Variants in ARFGEF1 observed in about 807,000 individuals in gnomAD.
ARFGEF1 encodes the protein ARF guanine nucleotide exchange factor 1, also known as brefeldin A-inhibited guanine nucleotide-exchange protein 1.
A neutral mutation model predicts 231.0 loss-of-function variants in ARFGEF1; 42 were observed. The ratio of observed to expected loss-of-function variants is 0.18; its 90% confidence interval spans 0.14 to 0.24. The LOEUF (loss-of-function observed/expected upper bound fraction) is 0.24. ARFGEF1 is among the 10% of genes least tolerant of loss of function. The probability of loss-of-function intolerance (pLI) is 1.00; values close to 1 mark genes in which losing one functional copy is unlikely to be tolerated. For missense variants in ARFGEF1, 1,345 were observed against 2,192.0 expected, an observed-to-expected ratio of 0.61 and a Z score of 7.72; for synonymous variants, 710 against 732.3, an observed-to-expected ratio of 0.97 and a Z score of 0.49.
chr8:67,234,435 C>T (rs1012518711), intron 22 of ARFGEF1, among the ~76,000 whole-genome samples: 1 of 151,960 alleles, frequency 6.6e-6, no homozygotes, highest in Non-Finnish European at 1.5e-5. Context: ...ATTAATTCAA[C>T]CTGGACCTAG....
intron 19 of ARFGEF1, among the ~76,000 whole-genome samples, chr8:67,240,737 C>T (rs1193519849): frequency 1.3e-5 from 2 of 152,026 alleles, no homozygotes; most frequent in Non-Finnish European, 2.9e-5. Context: ...ATCATTTAGC[C>T]TAATTTTTAA....
intron 1 of ARFGEF1, among the ~76,000 whole-genome samples, chr8:67,339,535 C>T (rs1045710332): frequency 6.6e-6 from 1 of 152,036 alleles, no homozygotes; most frequent in African/African-American, 2.4e-5. Flanking sequence ...ACAATGCTAC[C>T]TTCAAGCCCA....
intron 5 of ARFGEF1, among the ~76,000 whole-genome samples, chr8:67,179,464 G>A (rs1023472777): frequency 2.6e-5 from 4 of 152,246 alleles, no homozygotes; most frequent in South Asian, 2.1e-4. Flanking sequence ...ATGGAAATTC[G>A]GATGAATGAA....
intron 7 of ARFGEF1, among the ~76,000 whole-genome samples, chr8:67,283,004 A>T (rs2128904259): frequency 6.6e-6 from 1 of 152,160 alleles, no homozygotes; most frequent in Non-Finnish European, 1.5e-5. Flanking sequence ...AAGAAAAGGA[A>T]AAAATAGGCA....
rs1265849377 is a variant in ARFGEF1, at chr8:67,236,364, AAATATATATATATATATATATATATAT to A, written c.3289+1952_3289+1978del. 6.3e-3 allele frequency among the ~76,000 whole-genome samples: 230 copies of A among 36,760 alleles called. 14 individuals carry two copies. The highest frequency in any genetic ancestry group is 0.029 in the African/African-American group (209 of 7,182). The allele number at this position is 36,760 out of a possible 152,430, so 24.1% of individuals were successfully genotyped here. ...AGATATTAGTTAAAAAAAAAAAAAA[AAATATATATATATATATATATATATAT>A]ATATATATATATATATATATGTATC... On this transcript the variant is annotated intron_variant, in intron 22 of 38. Transcript: ENST00000262215.
rs141917658 is a variant in ARFGEF1, at chr8:67,207,787, G to A, written c.4820-2968C>T. ...CAAGGAAGAGGGCTCATGGGAGCAG[G>A]GTGGCCGCTTGTTCTTCCTCCAGCT... On this transcript the variant is annotated intron_variant, in intron 34 of 38. Coordinates refer to ENST00000262215, the MANE Select transcript of ARFGEF1 (RefSeq NM_006421.5). Among the ~76,000 whole-genome samples the A allele has an allele frequency of 2.7e-3, 410 of 152,290 alleles. 2 individuals carry two copies. Among genetic ancestry groups the A allele is most frequent in the African/African-American group, 9.6e-3 (400 of 41,552 alleles).
At chr8:67,228,430 T>G (rs1351415047) in intron 23 of ARFGEF1, among the ~76,000 whole-genome samples, 166 bp from the exon 24 acceptor site, 1 of 152,002 alleles carries the variant, frequency 6.6e-6, no homozygotes, top group Non-Finnish European at 1.5e-5. Context: ...AAGTGTAGTC[T>G]GGATGTTTCT....
At chr8:67,187,517 A>C (rs763633005) in intron 5 of ARFGEF1, among the ~76,000 whole-genome samples, 6 of 152,066 alleles carry the variant, frequency 3.9e-5, no homozygotes, top group Non-Finnish European at 7.4e-5. Flanking sequence ...CCTTGTCTCT[A>C]CAAAAAAAAT....
chr8:67,276,204 G>A, intron 8 of ARFGEF1, 95 bp from the exon 9 acceptor site: 1 of 1,367,710 alleles, frequency 7.3e-7, no homozygotes, highest in East Asian at 2.4e-5. Flanking sequence ...TCACTAACAG[G>A]TGGAGATTCC....
In ARFGEF1 at chr8:67,325,207, C is replaced by G. The variant is rs201370525; in HGVS notation, c.124+17957G>C. 2.2e-4 allele frequency among the ~76,000 whole-genome samples: 33 copies of G among 151,338 alleles called. No homozygotes were observed. The East Asian group carries it at 4.8e-3, about 22-fold the overall frequency. On this transcript the variant is annotated intron_variant, in intron 1 of 38. Coordinates refer to ENST00000262215, the MANE Select transcript of ARFGEF1 (RefSeq NM_006421.5). ...GGATTTCAGGCGTGAGCCACCACAC[C>G]AGGCCGAAAAATCCACTTTTTTTTT... is the stretch of plus-strand genomic sequence containing the variant.
At chr8:67,220,883 C>CT (rs1839129435) in intron 29 of ARFGEF1, among the ~76,000 whole-genome samples, 1 of 142,500 alleles carries the variant, frequency 7.0e-6, no homozygotes, top group South Asian at 2.2e-4. Flanking sequence ...TGGAAAATGT[C>CT]TTTTTTTCCT....
chr8:67,185,332 T>C (rs1834286869), intron 5 of ARFGEF1, among the ~76,000 whole-genome samples: 1 of 152,198 alleles, frequency 6.6e-6, no homozygotes, highest in East Asian at 1.9e-4. Context: ...ACAAAGATTA[T>C]CACTTTAAGA....
chr8:67,335,067 AG>A (rs1808279337), intron 1 of ARFGEF1, among the ~76,000 whole-genome samples: 1 of 151,318 alleles, frequency 6.6e-6, no homozygotes, highest in Non-Finnish European at 1.5e-5. Context: ...AGTTAACAGT[AG>A]TTATTTATCT....
chr8:67,216,244 A>G (rs1358533962), intron 33 of ARFGEF1, among the ~76,000 whole-genome samples: 1 of 152,156 alleles, frequency 6.6e-6, no homozygotes, highest in Non-Finnish European at 1.5e-5. Flanking sequence ...CAGTATCAAG[A>G]GGTAGAGATT....
chr8:67,321,593 TG>T (rs1807597112), intron 1 of ARFGEF1, among the ~76,000 whole-genome samples: 1 of 152,154 alleles, frequency 6.6e-6, no homozygotes, highest in Non-Finnish European at 1.5e-5. Flanking sequence ...CCCGAGTAGC[TG>T]GGAGTACAGG....
chr8:67,222,231 GTATGTATGTATGTA>G (rs1563846595), intron 29 of ARFGEF1, among the ~76,000 whole-genome samples: 5 of 88,664 alleles, frequency 5.6e-5, no homozygotes, highest in African/African-American at 2.3e-4. Context: ...ATATGTATAT[GTATGTATGTATGTA>G]TGTATGTATG....
intron 1 of ARFGEF1, among the ~76,000 whole-genome samples, chr8:67,329,090 C>T (rs2128931942): frequency 6.6e-6 from 1 of 151,848 alleles, no homozygotes; most frequent in African/African-American, 2.4e-5. Flanking sequence ...GCCAGGCATG[C>T]TGGCATGTGC....
At chr8:67,221,720 CCACT>C (rs914417956) in intron 29 of ARFGEF1, among the ~76,000 whole-genome samples, 1 of 152,106 alleles carries the variant, frequency 6.6e-6, no homozygotes, top group Non-Finnish European at 1.5e-5. Context: ...CATTCACTCA[CCACT>C]CACTCACTGA....
rs370609948 is a variant in ARFGEF1 at position 67,258,289 on chromosome 8, G to A, written c.2237C>T (p.Thr746Ile). 32 of 1,564,146 alleles carry A rather than the reference G, an allele frequency of 2.0e-5. No homozygotes were observed. Among genetic ancestry groups the A allele is most frequent in the Non-Finnish European group, 2.4e-5 (28 of 1,142,962 alleles). Residue 746 changes from threonine (T) to isoleucine (I), a missense_variant and splice_region_variant, in exon 16 of 39, where the codon ACT (threonine) becomes ATT (isoleucine). This residue lies in a region of ARFGEF1 where 105 missense variants were observed against 159.3 expected (regional missense o/e 0.66). Transcript: ENST00000262215. Reference protein sequence around the residue: ...FLHQEERLDSTQVGEFLGDND... With the variant: ...FLHQEERLDSIQVGEFLGDND... ...ATCTCCCAGGAACTCACCCACTTGA[G>A]TCTAAAGTAAAAACAGAGATAGAAA...
Sources: allele counts gnomAD v4.1 joint callset (sites outside exome capture counted in the v4.1 genomes callset), GRCh38; gene constraint gnomAD v4.1.1; regional missense constraint gnomAD v4.1.1; transcripts MANE v1.5; gene names NCBI Gene and HGNC (gene_info 2026-07-23, HGNC 2026-07-21).